HS6ST2: variants seen among roughly 807,000 people sequenced by gnomAD.
The protein encoded by HS6ST2 is heparan sulfate 6-O-sulfotransferase 2.
HS6ST2 carries 17 observed loss-of-function variants against 33.0 expected under a neutral mutation model. The ratio of observed to expected loss-of-function variants is 0.52; its 90% CI spans 0.35 to 0.77. The LOEUF (loss-of-function observed/expected upper bound fraction) is 0.77, where lower values mean the gene tolerates loss of function less well. Among genes scored for constraint, HS6ST2 ranks in the 30% least tolerant of loss-of-function variants. HS6ST2 has a pLI of 0.01. For missense variants in HS6ST2, 519 were observed against 551.7 expected (o/e 0.94, Z 0.59); for synonymous variants, 248 against 237.1 (o/e 1.05, Z -0.42).
intron 2 of HS6ST2, among the ~76,000 whole-genome samples, chrX:132,905,300 T>G (rs1157514242): frequency 8.9e-6 from 1 of 112,392 alleles, no homozygotes; most frequent in East Asian, 2.8e-4. Context: ...AGTTATTTTC[T>G]ATCCTGAGGT....
chrX:132,714,992 G>T (rs1015944982), intron 2 of HS6ST2, among the ~76,000 whole-genome samples: 6 of 112,199 alleles, frequency 5.3e-5, no homozygotes, highest in African/African-American at 1.9e-4. Context: ...TAAACCTAAA[G>T]CAATGACTAA....
intron 2 of HS6ST2, among the ~76,000 whole-genome samples, chrX:132,933,860 C>T (rs769628331): frequency 5.9e-4 from 65 of 110,945 alleles, no homozygotes; most frequent in African/African-American, 2.1e-3. Context: ...GTATATCCAG[C>T]AAAAGTATTT....
At chrX:132,796,723 T>C (rs1206331608) in intron 2 of HS6ST2, among the ~76,000 whole-genome samples, 6 of 112,059 alleles carry the variant, frequency 5.4e-5, no homozygotes, top group East Asian at 2.8e-4. Context: ...ACAATTACTT[T>C]CAACCATTCC....
At chrX:132,909,334 G>A (rs1363142037) in intron 2 of HS6ST2, among the ~76,000 whole-genome samples, 1 of 112,265 alleles carries the variant, frequency 8.9e-6, no homozygotes, top group Non-Finnish European at 1.9e-5. Flanking sequence ...CCTGAACTGA[G>A]GCAGACAGAG....
At chrX:132,639,133 G>A (rs764803064) in intron 4 of HS6ST2, among the ~76,000 whole-genome samples, 45 of 112,112 alleles carry the variant, frequency 4.0e-4, no homozygotes, top group Middle Eastern at 4.6e-3. Context: ...TCAAACTCAA[G>A]GTGGAATTCT....
chrX:132,631,605 G>GAAA (rs111750127), intron 4 of HS6ST2, among the ~76,000 whole-genome samples: 7 of 98,027 alleles, frequency 7.1e-5, no homozygotes, highest in Non-Finnish European at 4.2e-5. Context: ...TGATTATTTG[G>GAAA]AAAAAAAAAA....
chrX:132,870,617 A>T (rs2066048294), intron 2 of HS6ST2, among the ~76,000 whole-genome samples: 1 of 111,660 alleles, frequency 9.0e-6, no homozygotes. Context: ...AATACCACAC[A>T]TCTACAGCCA....
intron 2 of HS6ST2, among the ~76,000 whole-genome samples, chrX:132,747,839 C>T (rs1236942356): frequency 9.0e-6 from 1 of 111,105 alleles, no homozygotes; most frequent in Non-Finnish European, 1.9e-5. Context: ...CTTGGGGCTC[C>T]ACACTCTCCA....
intron 2 of HS6ST2, among the ~76,000 whole-genome samples, chrX:132,832,114 G>A (rs1774114244): frequency 9.0e-6 from 1 of 111,335 alleles, no homozygotes; most frequent in Admixed American, 9.6e-5. Context: ...ATTGTATGAC[G>A]TTCACTTGCA....
At chrX:132,827,766 A>G (rs1482329649) in intron 2 of HS6ST2, among the ~76,000 whole-genome samples, 1 of 110,364 alleles carries the variant, frequency 9.1e-6, no homozygotes, top group Non-Finnish European at 1.9e-5. Context: ...CTGAATTTAC[A>G]CCTACAACCA....
chrX:132,663,772 C>G (rs1041834040), intron 4 of HS6ST2, among the ~76,000 whole-genome samples: 6 of 112,127 alleles, frequency 5.4e-5, no homozygotes, highest in African/African-American at 1.9e-4. Context: ...CACATACTTT[C>G]ATACACACAC....
intron 2 of HS6ST2, among the ~76,000 whole-genome samples, chrX:132,796,941 A>G (rs1040776403): frequency 8.9e-6 from 1 of 112,093 alleles, no homozygotes; most frequent in South Asian, 3.8e-4. Context: ...AAGTGCTAAA[A>G]TCATATAAAG....
At chrX:132,692,016 T>A (rs1230784277) in intron 3 of HS6ST2, among the ~76,000 whole-genome samples, 2 of 111,715 alleles carry the variant, frequency 1.8e-5, no homozygotes, top group Non-Finnish European at 3.8e-5. Context: ...TGTTTTCAAG[T>A]TTGTTGCTTG....
At chrX:132,636,831 G>A (rs1260712463) in intron 4 of HS6ST2, among the ~76,000 whole-genome samples, 1 of 112,125 alleles carries the variant, frequency 8.9e-6, no homozygotes, top group Non-Finnish European at 1.9e-5. Context: ...GCTCAAAGAG[G>A]ACACTTTCTT....
At chrX:132,695,979 A>G (rs1416940530) in intron 3 of HS6ST2, among the ~76,000 whole-genome samples, 3 of 111,650 alleles carry the variant, frequency 2.7e-5, no homozygotes, top group African/African-American at 9.8e-5. Flanking sequence ...TGGGCATCAG[A>G]GGTCATTTGC....
intron 2 of HS6ST2, among the ~76,000 whole-genome samples, chrX:132,943,816 T>A (rs1283188656): frequency 8.9e-6 from 1 of 111,828 alleles, no homozygotes; most frequent in African/African-American, 3.3e-5. Context: ...TAGCCCTTCA[T>A]GCTAAAAACT....
At chrX:132,730,886 T>A (rs1027891979) in intron 2 of HS6ST2, among the ~76,000 whole-genome samples, 1 of 111,394 alleles carries the variant, frequency 9.0e-6, no homozygotes, top group Non-Finnish European at 1.9e-5. Context: ...GAAGTACACA[T>A]CAGAGTGACC....
intron 2 of HS6ST2, among the ~76,000 whole-genome samples, chrX:132,847,031 A>G (rs1364996478): frequency 9.0e-6 from 1 of 111,365 alleles, no homozygotes; most frequent in Admixed American, 9.6e-5. Context: ...GGGTTCATGC[A>G]TGAAGCTGGA....
intron 2 of HS6ST2, among the ~76,000 whole-genome samples, chrX:132,896,539 A>G (rs1030343553): frequency 2.7e-5 from 3 of 111,473 alleles, no homozygotes; most frequent in African/African-American, 9.8e-5. Flanking sequence ...AGAGTCAATA[A>G]TAACTTAAAT....
Sources: gnomAD v4.1 joint callset for allele counts (sites outside exome capture counted in the v4.1 genomes callset) on GRCh38, gnomAD v4.1.1 for gene constraint, MANE v1.5 for transcripts, NCBI Gene and HGNC (gene_info 2026-07-23, HGNC 2026-07-21) for gene names.